Variants in GOSR1 observed in about 807,000 individuals in gnomAD.
The protein encoded by GOSR1 is 28 kDa Golgi SNARE protein.
GOSR1 carries 21 observed loss-of-function variants against 35.5 expected under a neutral mutation model. The ratio of observed to expected loss-of-function variants is 0.59; its 90% CI spans 0.42 to 0.85. The LOEUF is 0.85. Ranked by LOEUF, GOSR1 falls within the 40% of genes least tolerant of loss-of-function variation. The pLI, the probability that GOSR1 is intolerant of heterozygous loss-of-function variation, is 0.00. For missense variants in GOSR1, 285 were observed against 309.6 expected, an observed-to-expected ratio of 0.92 and a Z score of 0.60; for synonymous variants, 94 against 106.6, an observed-to-expected ratio of 0.88 and a Z score of 0.73.
At position 30,499,910 on chromosome 17, in the gene GOSR1, T is replaced by A. The variant is rs188248752; in HGVS notation, c.509+7157T>A. ...TGGTGATGTTAAGCCTTCCTTCAAG[T>A]GCTTATTAACCATTCACGTATCTTC... On this transcript the variant is annotated intron_variant, in intron 6 of 8. Transcript: ENST00000451249. 9.8e-4 allele frequency among the ~76,000 whole-genome samples: 150 copies of A among 152,370 alleles called. 1 individual carries two copies. Among genetic ancestry groups the A allele is most frequent in the Non-Finnish European group, 3.2e-4 (22 of 68,034 alleles).
intron 7 of GOSR1, among the ~76,000 whole-genome samples, chr17:30,518,693 C>T (rs1418375124): frequency 6.6e-6 from 1 of 151,924 alleles, no homozygotes; most frequent in Non-Finnish European, 1.5e-5. Context: ...CTTTGGGAGG[C>T]GGAGGTAGGA....
At chr17:30,480,459 C>G (rs190858287) in intron 1 of GOSR1, among the ~76,000 whole-genome samples, 1 of 152,078 alleles carries the variant, frequency 6.6e-6, no homozygotes, top group Non-Finnish European at 1.5e-5. Context: ...GTTGATAATG[C>G]TGGTCATAAA....
intron 6 of GOSR1, among the ~76,000 whole-genome samples, chr17:30,509,266 T>G (rs1053300223): frequency 7.5e-5 from 11 of 147,356 alleles, no homozygotes; most frequent in African/African-American, 2.5e-4. Context: ...TGAGCCACCG[T>G]GCCCAGCTAA....
At chr17:30,507,119 G>A (rs200424722) in intron 6 of GOSR1, among the ~76,000 whole-genome samples, 2 of 151,142 alleles carry the variant, frequency 1.3e-5, no homozygotes, top group Non-Finnish European at 2.9e-5. Context: ...TGAAGCCTGT[G>A]GTTCAAGGAG....
At chr17:30,483,961 A>C (rs1156932483) in intron 2 of GOSR1, among the ~76,000 whole-genome samples, 1 of 152,234 alleles carries the variant, frequency 6.6e-6, no homozygotes, top group Non-Finnish European at 1.5e-5. Context: ...CTAGTTATCC[A>C]ATCTGTGGAT....
At chr17:30,518,437 T>TA (rs35597510) in intron 7 of GOSR1, among the ~76,000 whole-genome samples, 5,252 of 147,848 alleles carry the variant, frequency 0.036, 116 homozygotes, top group Non-Finnish European at 0.048. Context: ...TCTCTTGATT[T>TA]AAAAAAAAAA....
At chr17:30,517,917 C>A (rs1395945474) in intron 7 of GOSR1, among the ~76,000 whole-genome samples, 1 of 152,186 alleles carries the variant, frequency 6.6e-6, no homozygotes, top group Non-Finnish European at 1.5e-5. Context: ...AATGTGTTCA[C>A]TCAGCTCCCA....
At chr17:30,501,911 GT>G (rs1163716899) in intron 6 of GOSR1, among the ~76,000 whole-genome samples, 5 of 152,246 alleles carry the variant, frequency 3.3e-5, no homozygotes, top group Non-Finnish European at 7.3e-5. Context: ...GTGCATGAAT[GT>G]TTTACAGCAG....
chr17:30,480,898 G>A (rs1914297277), intron 1 of GOSR1: 2 of 308,814 alleles, frequency 6.5e-6, no homozygotes, highest in Non-Finnish European at 1.3e-5. Context: ...TTTTAGTAGA[G>A]ATAGGGTTTC....
chr17:30,497,824 C>T (rs1300709454), intron 6 of GOSR1, among the ~76,000 whole-genome samples: 4 of 152,222 alleles, frequency 2.6e-5, no homozygotes, highest in Admixed American at 6.5e-5. Context: ...TTTAGGAGGC[C>T]GAGGCAGGAG....
At chr17:30,494,865 C>G (rs1966935884) in intron 6 of GOSR1, among the ~76,000 whole-genome samples, 1 of 151,166 alleles carries the variant, frequency 6.6e-6, no homozygotes. Flanking sequence ...ACCTCAGCCT[C>G]TGAAAGTGCT....
At chr17:30,486,929 G>A (rs752764275) in intron 4 of GOSR1, among the ~76,000 whole-genome samples, 6 of 152,076 alleles carry the variant, frequency 3.9e-5, no homozygotes, top group Non-Finnish European at 8.8e-5. Flanking sequence ...ATCGTTGTTT[G>A]TTTAATTAAA....
At chr17:30,489,724 A>T (rs1914900786) in intron 4 of GOSR1, among the ~76,000 whole-genome samples, 1 of 152,126 alleles carries the variant, frequency 6.6e-6, no homozygotes, top group South Asian at 2.1e-4. Flanking sequence ...TAGGAATTAA[A>T]TTTTTTGTGA....
intron 6 of GOSR1, among the ~76,000 whole-genome samples, chr17:30,507,756 A>G (rs4408593): frequency 0.53 from 80,684 of 150,908 alleles, 21,940 homozygotes; most frequent in East Asian, 0.83. Context: ...TAGAAAGCGG[A>G]GCCTGAAGAT....
chr17:30,518,129 C>T (rs563965778), intron 7 of GOSR1, among the ~76,000 whole-genome samples: 1 of 152,312 alleles, frequency 6.6e-6, no homozygotes, highest in African/African-American at 2.4e-5. Flanking sequence ...CCTGTGTATG[C>T]AGATCCATAG....
intron 6 of GOSR1, among the ~76,000 whole-genome samples, chr17:30,502,227 G>T (rs1453124403): frequency 1.3e-5 from 2 of 152,198 alleles, no homozygotes; most frequent in South Asian, 2.1e-4. Context: ...AATAGGTGAA[G>T]CACAGGATAC....
Position 30,522,604 on chromosome 17 carries a change from A to G in GOSR1, c.*226A>G, listed in dbSNP as rs902922925. 2.7e-5 allele frequency: 9 copies of G among 339,190 alleles called. No individual in the cohort carries two copies. The highest frequency in any genetic ancestry group is 1.7e-4 in the African/African-American group (8 of 46,618). 21.0% of individuals were successfully genotyped at this position (339,190 alleles called of 1,614,324 possible). A position where few individuals can be genotyped will look rare whatever the true frequency, so the allele number is the denominator to read the frequency against. The stretch of plus-strand genomic sequence containing the variant: ...TTTCTGTTTTTAATTAAAAAAAAAA[A>G]AAAAAGGTTTTCAGTTGCTTTTGTC... On this transcript the variant is annotated 3_prime_UTR_variant, in exon 9 of 9. Transcript: ENST00000451249.
In GOSR1 at chr17:30,481,165, G is replaced by A. The variant is rs1914322357; in HGVS notation, c.54G>A (p.Gln18=). The A allele has an allele frequency of 6.3e-7, 1 of 1,599,024 alleles. No individual in the cohort carries two copies. Among genetic ancestry groups the A allele is most frequent in the Non-Finnish European group, 8.6e-7 (1 of 1,166,284 alleles). Residue 18 remains glutamine, a synonymous_variant, in exon 2 of 9, where the codon CAG becomes CAA. Transcript: ENST00000451249. ...AAGATCTCAGGAAACAGGCTCGACA[G>A]CTGGAAAATGAACTTGACCTGAAAC... ...YWEDLRKQAR[Q]LENELDLKLV... is the part of the protein sequence containing the mutation.
chr17:30,513,419 C>T (rs751351527), intron 7 of GOSR1, among the ~76,000 whole-genome samples: 8 of 151,734 alleles, frequency 5.3e-5, no homozygotes, highest in Non-Finnish European at 8.8e-5. Flanking sequence ...AATATTTGAC[C>T]CTTGAAATAA....
Sources: gnomAD v4.1 joint callset for allele counts (sites outside exome capture counted in the v4.1 genomes callset) on GRCh38, gnomAD v4.1.1 for gene constraint, MANE v1.5 for transcripts, NCBI Gene and HGNC (gene_info 2026-07-23, HGNC 2026-07-21) for gene names.